SMC5: variants seen among roughly 807,000 people sequenced by gnomAD.
The protein encoded by SMC5 is structural maintenance of chromosomes protein 5.
SMC5 carries 88 observed loss-of-function variants against 148.3 expected under a neutral mutation model. The ratio of observed to expected loss-of-function variants is 0.59; its 90% CI spans 0.50 to 0.71. The LOEUF is 0.71. Among genes scored for constraint, SMC5 ranks in the 30% least tolerant of loss-of-function variants. The probability of loss-of-function intolerance (pLI) is 0.00; values close to 1 mark genes in which losing one functional copy is unlikely to be tolerated. For missense variants in SMC5, 1,142 were observed against 1,298.9 expected (o/e 0.88, Z 1.86); for synonymous variants, 421 against 432.8 (o/e 0.97, Z 0.34).
In SMC5 at chr9:70,353,780, A is replaced by G. The variant is rs990660361; in HGVS notation, c.*1449A>G. On this transcript the variant is annotated 3_prime_UTR_variant, in exon 25 of 25. Coordinates refer to ENST00000361138, the MANE Select transcript of SMC5 (RefSeq NM_015110.4). ...AAGTGTGAAAATATTTTAAAATGAC[A>G]TTTTTACTAATATGAGCAAGTCATG... is the stretch of plus-strand genomic sequence containing the variant. The G allele has an allele frequency of 4.6e-5, 7 of 152,344 alleles. No individual in the cohort carries two copies. The highest frequency in any genetic ancestry group is 1.9e-4 in the East Asian group (1 of 5,186). The allele number at this position is 152,344 out of a possible 1,614,324, so 9.4% of individuals were successfully genotyped here. A position where few individuals can be genotyped will look rare whatever the true frequency, so the allele number is the denominator to read the frequency against.
At chr9:70,334,465 G>T (rs977643202) in intron 17 of SMC5, among the ~76,000 whole-genome samples, 1 of 152,160 alleles carries the variant, frequency 6.6e-6, no homozygotes, top group Non-Finnish European at 1.5e-5. Flanking sequence ...AAAAAGGCAG[G>T]CTACAAACTG....
Position 70,324,119 on chromosome 9 carries a change from A to G in SMC5, c.2373A>G (p.Ala791=). The stretch of plus-strand genomic sequence containing the variant: ...AATTAGAATCAGATTATATGGCCGC[A>G]TCTTCACAACTCCGTCTTACAGAGG... ...KNKLESDYMA[A]SSQLRLTEQH... Residue 791 remains alanine, a synonymous_variant, in exon 17 of 25, where the codon GCA becomes GCG. Coordinates refer to ENST00000361138, the MANE Select transcript of SMC5 (RefSeq NM_015110.4). 6.3e-7 allele frequency: 1 copy of G among 1,597,920 alleles called. No individual in the cohort carries two copies. The highest frequency in any genetic ancestry group is 8.5e-7 in the Non-Finnish European group (1 of 1,176,894).
In SMC5 at chr9:70,283,246, T is replaced by G. The variant is rs537906178; in HGVS notation, c.981+663T>G. On this transcript the variant is annotated intron_variant, in intron 7 of 24. Coordinates refer to ENST00000361138, the MANE Select transcript of SMC5 (RefSeq NM_015110.4). ...TGGGAGGCTGAGGCGGGCGGATCAG[T>G]TGAGCTCAGGAGTTCAAGACCAGCT... 8.5e-4 allele frequency among the ~76,000 whole-genome samples: 129 copies of G among 152,210 alleles called. 2 individuals carry two copies. The highest frequency in any genetic ancestry group is 1.3e-4 in the Non-Finnish European group (9 of 68,016).
At chr9:70,305,489 T>C (rs1021271201) in intron 11 of SMC5, 129 bp downstream of exon 11, 2 of 582,866 alleles carry the variant, frequency 3.4e-6, no homozygotes, top group Non-Finnish European at 6.2e-6. Flanking sequence ...AAAATCACTC[T>C]GTTTTGCTAA....
intron 17 of SMC5, among the ~76,000 whole-genome samples, chr9:70,336,037 T>C (rs2036347415): frequency 6.6e-6 from 1 of 152,192 alleles, no homozygotes; most frequent in African/African-American, 2.4e-5. Flanking sequence ...GAGTCTCTTT[T>C]TACCCTTCCC....
intron 3 of SMC5, among the ~76,000 whole-genome samples, chr9:70,270,186 T>G (rs2034405757): frequency 1.3e-5 from 2 of 152,202 alleles, no homozygotes; most frequent in Non-Finnish European, 2.9e-5. Context: ...TCAGGACCCC[T>G]TTCTTGGTCC....
At chr9:70,292,542 A>G (rs181190299) in intron 8 of SMC5, among the ~76,000 whole-genome samples, 6 of 152,280 alleles carry the variant, frequency 3.9e-5, no homozygotes, top group Admixed American at 2.6e-4. Flanking sequence ...ACTCTGTTGA[A>G]TAAGAGTGGT....
At chr9:70,330,046 A>G (rs774115831) in intron 17 of SMC5, among the ~76,000 whole-genome samples, 1 of 152,134 alleles carries the variant, frequency 6.6e-6, no homozygotes, top group African/African-American at 2.4e-5. Context: ...TCATGAGCCA[A>G]TCACCTCCCA....
chr9:70,344,204 A>G lies in SMC5; in HGVS notation c.2458A>G (p.Met820Val). The change falls in exon 18 of 25, where the codon ATG (methionine) becomes GTG (valine). Residue 820 changes from methionine (M) to valine (V), a missense_variant. Around this residue, in one of 5 missense-constraint regions of SMC5, gnomAD observed 743 missense variants for 835.7 expected, o/e 0.89. Transcript: ENST00000361138. Reference protein sequence around the residue: ...QRLLQKCKELMKRARQVCNLG... With the variant: ...QRLLQKCKELVKRARQVCNLG... ...ATTATTGCAGAAATGCAAGGAACTT[A>G]TGAAAAGAGCTAGGCAAGTATGTAA... is the stretch of plus-strand genomic sequence containing the variant. The G allele has an allele frequency of 1.3e-6, 2 of 1,562,794 alleles. No homozygotes were observed. The highest frequency in any genetic ancestry group is 8.7e-7 in the Non-Finnish European group (1 of 1,152,934).
At chr9:70,260,622 T>G (rs902387838) in intron 1 of SMC5, among the ~76,000 whole-genome samples, 1 of 152,226 alleles carries the variant, frequency 6.6e-6, no homozygotes, top group African/African-American at 2.4e-5. Flanking sequence ...TGCATTGCTA[T>G]TTGAATCCAG....
At position 70,259,201 on chromosome 9, in the gene SMC5, G is replaced by C. The variant is rs747195362; in HGVS notation, c.123G>C (p.Leu41=). ...AGAATTCGGCCCCGCAGCTGCCGCTGTTGCAGTCGTCCGGGCCTTTCGTGG... is the reference window on the plus strand; with the variant it reads ...AGAATTCGGCCCCGCAGCTGCCGCTCTTGCAGTCGTCCGGGCCTTTCGTGG... ...KRKNSAPQLP[L]LQSSGPFVEG... is the part of the protein sequence containing the mutation. The change falls in exon 1 of 25, where the codon CTG becomes CTC. Residue 41 remains leucine (L), a synonymous_variant. Coordinates refer to ENST00000361138, the MANE Select transcript of SMC5 (RefSeq NM_015110.4). 2 of 1,608,636 alleles carry C rather than the reference G, an allele frequency of 1.2e-6. No homozygotes were observed. The highest frequency in any genetic ancestry group is 1.7e-6 in the Non-Finnish European group (2 of 1,177,368).
At chr9:70,323,633 T>A (rs1444857191) in intron 16 of SMC5, 27 bp downstream of exon 16, 4 of 1,593,740 alleles carry the variant, frequency 2.5e-6, no homozygotes, top group Non-Finnish European at 2.6e-6. Flanking sequence ...ATTTTAGTCA[T>A]TTTTTAAAGG....
At chr9:70,295,836 T>G (rs893908771) in intron 8 of SMC5, among the ~76,000 whole-genome samples, 2 of 152,166 alleles carry the variant, frequency 1.3e-5, no homozygotes, top group African/African-American at 2.4e-5. Context: ...ACGTTCTGTT[T>G]GTTAGTGAAT....
At position 70,298,216 on chromosome 9, in the gene SMC5, A is replaced by G. The variant is rs1300272216; in HGVS notation, c.1304A>G (p.Lys435Arg). ...GAGAGGGAAACTCTAGAGAAGGAGA[A>G]AAAGAGTAAGTTTCATAAAGTTAGA... is the stretch of plus-strand genomic sequence containing the variant. ...RRERETLEKE[K>R]KSVDDHIVRF... Residue 435 changes from lysine to arginine, a missense_variant, in exon 9 of 25, where the codon AAA becomes AGA. Around this residue, in one of 5 missense-constraint regions of SMC5, gnomAD observed 743 missense variants for 835.7 expected, o/e 0.89. Transcript: ENST00000361138. 6.8e-6 allele frequency: 11 copies of G among 1,609,286 alleles called. No homozygotes were observed. The highest frequency in any genetic ancestry group is 9.3e-6 in the Non-Finnish European group (11 of 1,178,502).
At chr9:70,337,638 A>AT (rs1455831840) in intron 17 of SMC5, among the ~76,000 whole-genome samples, 1 of 151,864 alleles carries the variant, frequency 6.6e-6, no homozygotes, top group African/African-American at 2.4e-5. Flanking sequence ...TAATTTTTGC[A>AT]TTTTTAGTAG....
chr9:70,315,327 C>G, intron 12 of SMC5, 119 bp from the exon 13 acceptor site: 3 of 576,090 alleles, frequency 5.2e-6, no homozygotes, highest in Non-Finnish European at 8.4e-6. Flanking sequence ...AAAGACTTGT[C>G]CTGTGTCATT....
In SMC5 at chr9:70,272,122, T is replaced by C. The variant is rs140344521; in HGVS notation, c.380+4147T>C. ...CTATGAGAGATGATAGCTTATGATTTGCTTATGAATTATATACAGAGTATG... is the reference window on the plus strand; with the variant it reads ...CTATGAGAGATGATAGCTTATGATTCGCTTATGAATTATATACAGAGTATG... On this transcript the variant is annotated intron_variant, in intron 3 of 24. Coordinates refer to ENST00000361138, the MANE Select transcript of SMC5 (RefSeq NM_015110.4). Among the ~76,000 whole-genome samples, 362 of 152,310 alleles carry C rather than the reference T, an allele frequency of 2.4e-3. 2 individuals carry two copies. Among genetic ancestry groups the C allele is most frequent in the Admixed American group, 0.019 (289 of 15,296 alleles).
intron 11 of SMC5, among the ~76,000 whole-genome samples, chr9:70,307,285 ATTGT>A (rs1276292486): frequency 5.3e-5 from 8 of 151,978 alleles, no homozygotes; most frequent in Admixed American, 2.6e-4. Flanking sequence ...TCTCTTTGTA[ATTGT>A]TTGTGTGGAG....
chr9:70,266,290 C>G (rs1313475168), intron 2 of SMC5, among the ~76,000 whole-genome samples: 1 of 151,984 alleles, frequency 6.6e-6, no homozygotes, highest in Non-Finnish European at 1.5e-5. Context: ...AGACATTTAT[C>G]AGGTAGAAGA....
Sources: gnomAD v4.1 joint callset for allele counts (sites outside exome capture counted in the v4.1 genomes callset) on GRCh38, gnomAD v4.1.1 for gene constraint, gnomAD v4.1.1 regional missense constraint, MANE v1.5 for transcripts, NCBI Gene and HGNC (gene_info 2026-07-23, HGNC 2026-07-21) for gene names.